SPTLC3: variants seen among roughly 807,000 people sequenced by gnomAD.
SPTLC3 encodes the protein serine palmitoyltransferase 3.
Under a neutral mutation model 59.3 loss-of-function variants are expected in SPTLC3, and 36 were observed. That is an observed-to-expected ratio of 0.61 (90% CI 0.47 to 0.80). The LOEUF is 0.80. Among genes scored for constraint, SPTLC3 ranks in the 30% least tolerant of loss-of-function variants. The pLI is 0.00. For missense variants in SPTLC3, 625 were observed against 685.1 expected, an observed-to-expected ratio of 0.91 and a Z score of 0.98; for synonymous variants, 257 against 240.8, an observed-to-expected ratio of 1.07 and a Z score of -0.62.
chr20:13,087,144 C>A (rs1358461439), intron 4 of SPTLC3, among the ~76,000 whole-genome samples: 1 of 152,098 alleles, frequency 6.6e-6, no homozygotes, highest in East Asian at 1.9e-4. Flanking sequence ...TTGTAGGGAG[C>A]AATTTCTCAG....
In SPTLC3 at chr20:13,166,143, T is replaced by G. The variant is rs1300611132; in HGVS notation, c.*1276T>G. ...TGGTGACCTTTTAGCAAAGCTTCTG[T>G]AACAGTTCGAATGAGTTGCAGAACA... On this transcript the variant is annotated 3_prime_UTR_variant, in exon 12 of 12. Transcript: ENST00000399002. 1 of 152,630 alleles carries G rather than the reference T, an allele frequency of 6.6e-6. No individual in the cohort carries two copies. Among genetic ancestry groups the G allele is most frequent in the East Asian group, 1.9e-4 (1 of 5,198 alleles). 9.5% of individuals were successfully genotyped at this position (152,630 alleles called of 1,614,324 possible). A position where few individuals can be genotyped will look rare whatever the true frequency, so the allele number is the denominator to read the frequency against.
chr20:13,061,453 G>A (rs974702616), intron 2 of SPTLC3, among the ~76,000 whole-genome samples: 8 of 152,122 alleles, frequency 5.3e-5, no homozygotes, highest in Admixed American at 2.0e-4. Context: ...CTGCCACCAC[G>A]GGACAGGTGT....
chr20:13,129,219 C>T (rs1327656666), intron 9 of SPTLC3, among the ~76,000 whole-genome samples: 5 of 152,098 alleles, frequency 3.3e-5, no homozygotes, highest in Admixed American at 1.3e-4. Context: ...CCATGCTGGT[C>T]GGGAACACCT....
chr20:13,130,540 T>C (rs893728621), intron 9 of SPTLC3, among the ~76,000 whole-genome samples: 20 of 152,238 alleles, frequency 1.3e-4, no homozygotes, highest in Admixed American at 1.2e-3. Context: ...GGTTCAAAGA[T>C]GAAATAGCAG....
At chr20:13,030,759 C>T (rs1402504580) in intron 1 of SPTLC3, among the ~76,000 whole-genome samples, 1 of 152,090 alleles carries the variant, frequency 6.6e-6, no homozygotes, top group Non-Finnish European at 1.5e-5. Context: ...CGCACACCCT[C>T]CTTACCATTC....
chr20:13,110,416 C>T (rs1990164452), intron 7 of SPTLC3, among the ~76,000 whole-genome samples, 199 bp downstream of exon 7: 2 of 152,204 alleles, frequency 1.3e-5, no homozygotes, highest in African/African-American at 2.4e-5. Flanking sequence ...TATGGCACAG[C>T]AGCTTGGAGG....
At chr20:13,163,435 C>A (rs908921966) in intron 11 of SPTLC3, among the ~76,000 whole-genome samples, 2 of 150,806 alleles carry the variant, frequency 1.3e-5, no homozygotes, top group African/African-American at 4.9e-5. Flanking sequence ...TAAATTATCT[C>A]ACAGATGCCC....
At position 13,067,911 on chromosome 20, in the gene SPTLC3, C is replaced by A. The variant is rs116967455; in HGVS notation, c.304-4345C>A. Among the ~76,000 whole-genome samples, 22 of 152,320 alleles carry A rather than the reference C, an allele frequency of 1.4e-4. No individual in the cohort carries two copies. The East Asian group carries it at 4.2e-3, about 29-fold the overall frequency. Reference sequence around the variant, plus strand: ...TGTGTTTGATAAAGATTCTTTCTCACTCTACAAGAGATATGCTTCCAAATT... The same window carrying A: ...TGTGTTTGATAAAGATTCTTTCTCAATCTACAAGAGATATGCTTCCAAATT... On this transcript the variant is annotated intron_variant, in intron 2 of 11. Transcript: ENST00000399002.
chr20:13,103,241 ATT>A (rs1306367325), intron 6 of SPTLC3, among the ~76,000 whole-genome samples: 1 of 152,168 alleles, frequency 6.6e-6, no homozygotes, highest in East Asian at 1.9e-4. Flanking sequence ...GGTCATTGTG[ATT>A]TTGTTTCCGC....
At chr20:13,037,423 C>T (rs1042432894) in intron 1 of SPTLC3, among the ~76,000 whole-genome samples, 3 of 152,182 alleles carry the variant, frequency 2.0e-5, no homozygotes, top group South Asian at 2.1e-4. Context: ...ACAAACCCCA[C>T]CAGATGATCT....
chr20:13,040,148 C>G (rs1193191514), intron 1 of SPTLC3, among the ~76,000 whole-genome samples: 1 of 151,438 alleles, frequency 6.6e-6, no homozygotes, highest in Non-Finnish European at 1.5e-5. Context: ...TTTAACATTT[C>G]TGGTTTTATT....
chr20:13,105,464 C>G (rs1989836335), intron 6 of SPTLC3, among the ~76,000 whole-genome samples: 1 of 152,060 alleles, frequency 6.6e-6, no homozygotes, highest in Admixed American at 6.6e-5. Flanking sequence ...GCGCGGCCAC[C>G]GAAAGTCTTG....
chr20:13,147,385 C>T (rs920013317), intron 9 of SPTLC3, among the ~76,000 whole-genome samples: 1 of 152,148 alleles, frequency 6.6e-6, no homozygotes, highest in Admixed American at 6.5e-5. Flanking sequence ...TTGATCTTTA[C>T]CGAGATCTCT....
intron 2 of SPTLC3, among the ~76,000 whole-genome samples, chr20:13,071,879 G>A (rs1305189975): frequency 3.3e-5 from 5 of 152,178 alleles, no homozygotes; most frequent in African/African-American, 1.2e-4. Flanking sequence ...ATCACACGGT[G>A]AGTGATATAT....
At chr20:13,164,334 C>T (rs755151343) in intron 11 of SPTLC3, 3 of 471,874 alleles carry the variant, frequency 6.4e-6, no homozygotes, top group South Asian at 4.6e-5. Context: ...GCTCCCGCAA[C>T]ATTCCTCTTT....
At chr20:13,158,878 A>C (rs1426185522) in intron 10 of SPTLC3, among the ~76,000 whole-genome samples, 1 of 152,214 alleles carries the variant, frequency 6.6e-6, no homozygotes, top group East Asian at 1.9e-4. Flanking sequence ...GTCTGGTTCA[A>C]GAATTCTTCC....
chr20:13,106,179 T>C (rs932707093), intron 6 of SPTLC3, among the ~76,000 whole-genome samples: 1 of 152,248 alleles, frequency 6.6e-6, no homozygotes, highest in Non-Finnish European at 1.5e-5. Flanking sequence ...TCTTTTCTAA[T>C]AATTCTTATT....
chr20:13,101,816 T>G (rs747746867), intron 6 of SPTLC3, among the ~76,000 whole-genome samples: 19 of 152,164 alleles, frequency 1.2e-4, no homozygotes, highest in Non-Finnish European at 2.6e-4. Context: ...TCTGACAAGC[T>G]CCTGGGTGCC....
At chr20:13,150,010 C>T (rs1266987756) in intron 9 of SPTLC3, among the ~76,000 whole-genome samples, 1 of 152,190 alleles carries the variant, frequency 6.6e-6, no homozygotes, top group Non-Finnish European at 1.5e-5. Flanking sequence ...CATTGTGTAG[C>T]TAATGATCCG....
Sources: allele counts gnomAD v4.1 joint callset (sites outside exome capture counted in the v4.1 genomes callset), GRCh38; gene constraint gnomAD v4.1.1; transcripts MANE v1.5; gene names NCBI Gene and HGNC (gene_info 2026-07-23, HGNC 2026-07-21).